The following NRP1 variants were observed in gnomAD, a reference collection of about 807,000 sequenced individuals.
The protein encoded by NRP1 is neuropilin 1.
NRP1 carries 35 observed loss-of-function variants against 106.7 expected under a neutral mutation model. The ratio of observed to expected loss-of-function variants is 0.33; its 90% CI spans 0.25 to 0.43. The LOEUF is 0.43. NRP1 is among the 20% of genes least tolerant of loss of function. The probability of loss-of-function intolerance (pLI) is 1.00; values close to 1 mark genes in which losing one functional copy is unlikely to be tolerated. For synonymous variants in NRP1, 437 were observed against 417.9 expected, an observed-to-expected ratio of 1.05 and a Z score of -0.56; for missense variants, 1,024 against 1,170.4, an observed-to-expected ratio of 0.87 and a Z score of 1.83.
At chr10:33,266,548 T>C (rs866685926) in intron 3 of NRP1, among the ~76,000 whole-genome samples, 6 of 152,248 alleles carry the variant, frequency 3.9e-5, no homozygotes, top group Non-Finnish European at 7.3e-5. Flanking sequence ...TTATTCACTG[T>C]TGTTTCAGTT....
At chr10:33,182,946 G>A (rs1016568151) in intron 15 of NRP1, among the ~76,000 whole-genome samples, 198 bp from the exon 16 acceptor site, 18 of 152,024 alleles carry the variant, frequency 1.2e-4, no homozygotes, top group African/African-American at 4.4e-4. Context: ...TAAATGACCG[G>A]GAAATTGGTA....
chr10:33,183,433 T>C (rs1176552676), intron 15 of NRP1, among the ~76,000 whole-genome samples: 1 of 152,198 alleles, frequency 6.6e-6, no homozygotes, highest in Non-Finnish European at 1.5e-5. Flanking sequence ...TGAAGTAGAT[T>C]CGTACATATG....
chr10:33,260,488 C>T (rs905328627), intron 4 of NRP1, among the ~76,000 whole-genome samples: 1 of 152,050 alleles, frequency 6.6e-6, no homozygotes, highest in African/African-American at 2.4e-5. Context: ...CAGTTCCAGC[C>T]CCTTTTGCCA....
chr10:33,238,199 G>C (rs1316805676), intron 6 of NRP1, among the ~76,000 whole-genome samples: 2 of 152,210 alleles, frequency 1.3e-5, no homozygotes, highest in African/African-American at 4.8e-5. Context: ...CTTCTCTCTT[G>C]AGTCTAGCAG....
chr10:33,310,178 T>A (rs1846483942), intron 2 of NRP1, among the ~76,000 whole-genome samples: 1 of 151,284 alleles, frequency 6.6e-6, no homozygotes, highest in Non-Finnish European at 1.5e-5. Context: ...CTTGATCTCC[T>A]GACCTCATGA....
At chr10:33,202,574 G>GGT (rs1837414024) in intron 11 of NRP1, 2 of 1,425,684 alleles carry the variant, frequency 1.4e-6, no homozygotes, top group South Asian at 1.5e-5. Flanking sequence ...TATTGGGGGG[G>GGT]GGTCTGAAAA....
intron 3 of NRP1, among the ~76,000 whole-genome samples, chr10:33,269,922 C>T (rs1843181572): frequency 6.6e-6 from 1 of 152,160 alleles, no homozygotes; most frequent in African/African-American, 2.4e-5. Flanking sequence ...ACTGATTCTA[C>T]CTTATGGTGA....
intron 2 of NRP1, among the ~76,000 whole-genome samples, chr10:33,314,282 T>C (rs1198161697): frequency 6.6e-6 from 1 of 152,144 alleles, no homozygotes; most frequent in Non-Finnish European, 1.5e-5. Flanking sequence ...AGAGACGGTA[T>C]TGCCCAGGCT....
chr10:33,311,959 A>T (rs2804491), intron 2 of NRP1, among the ~76,000 whole-genome samples: 1 of 151,544 alleles, frequency 6.6e-6, no homozygotes. Flanking sequence ...TTTTCTCATA[A>T]CAGTGTTTAG....
At chr10:33,298,567 G>T (rs572380738) in intron 2 of NRP1, among the ~76,000 whole-genome samples, 1 of 152,244 alleles carries the variant, frequency 6.6e-6, no homozygotes, top group South Asian at 2.1e-4. Flanking sequence ...TCTCCTCCTT[G>T]CTGGCTGGGG....
At chr10:33,199,464 A>G (rs1837105830) in intron 11 of NRP1, among the ~76,000 whole-genome samples, 1 of 133,828 alleles carries the variant, frequency 7.5e-6, no homozygotes, top group South Asian at 2.4e-4. Flanking sequence ...GCTGGTCTCA[A>G]ACTTCTGACC....
intron 10 of NRP1, chr10:33,206,156 C>T (rs1337119778): frequency 3.9e-6 from 2 of 513,562 alleles, no homozygotes; most frequent in African/African-American, 3.9e-5. Context: ...CACTCCACCT[C>T]CTAAATCAGC....
intron 11 of NRP1, chr10:33,202,444 A>G (rs1353900928): frequency 1.7e-6 from 1 of 592,044 alleles, no homozygotes; most frequent in East Asian, 3.5e-5. Context: ...CCGCACTTCA[A>G]ATATAAGCCT....
At position 33,257,400 on chromosome 10, in the gene NRP1, G is replaced by A. The variant is rs559853058; in HGVS notation, c.659-929C>T. Among the ~76,000 whole-genome samples the A allele has an allele frequency of 1.6e-3, 244 of 152,312 alleles. 3 individuals carry two copies. Among genetic ancestry groups the A allele is most frequent in the South Asian group, 2.7e-3 (13 of 4,830 alleles). ...TCTTGTAATCCCAGCACTTTGGGAAGCTGAGGTGGGTGGATCACTTGAGGT... is the reference window on the plus strand; with the variant it reads ...TCTTGTAATCCCAGCACTTTGGGAAACTGAGGTGGGTGGATCACTTGAGGT... On this transcript the variant is annotated intron_variant, in intron 4 of 16. Transcript: ENST00000374867.
chr10:33,289,645 A>G (rs1844843215), intron 2 of NRP1, among the ~76,000 whole-genome samples: 1 of 152,234 alleles, frequency 6.6e-6, no homozygotes, highest in Non-Finnish European at 1.5e-5. Flanking sequence ...AACTGACATT[A>G]GCGTGTGTTA....
At chr10:33,187,770 A>G (rs1836109688) in intron 13 of NRP1, among the ~76,000 whole-genome samples, 2 of 152,280 alleles carry the variant, frequency 1.3e-5, no homozygotes, top group South Asian at 4.1e-4. Flanking sequence ...GTTGCCCAAG[A>G]GACTTGTGTG....
intron 2 of NRP1, among the ~76,000 whole-genome samples, chr10:33,277,613 G>A (rs1843803663): frequency 6.6e-6 from 1 of 152,182 alleles, no homozygotes; most frequent in African/African-American, 2.4e-5. Context: ...GAGAGGCTGG[G>A]CCACAACCTG....
chr10:33,262,267 C>T (rs1438983270), intron 4 of NRP1, among the ~76,000 whole-genome samples: 2 of 152,162 alleles, frequency 1.3e-5, no homozygotes, highest in Admixed American at 1.3e-4. Context: ...TATTATCCCC[C>T]TCTGTTCAGA....
Position 33,329,817 on chromosome 10 carries a change from G to C in NRP1, c.248+891C>G, listed in dbSNP as rs562915752. Among the ~76,000 whole-genome samples, 8 of 152,350 alleles carry C rather than the reference G, an allele frequency of 5.3e-5. No homozygotes were observed. In the South Asian group the frequency reaches 6.2e-4, roughly 12 times the overall value. On this transcript the variant is annotated intron_variant, in intron 2 of 16. Coordinates refer to ENST00000374867, the MANE Select transcript of NRP1 (RefSeq NM_003873.7). Reference sequence around the variant, plus strand: ...AAGACAGAGACAGGGGGTCTGTTGGGTGTTAAGAGAGACGAGCAAACATGT... The same window carrying C: ...AAGACAGAGACAGGGGGTCTGTTGGCTGTTAAGAGAGACGAGCAAACATGT...
Sources: gnomAD v4.1 joint callset for allele counts (sites outside exome capture counted in the v4.1 genomes callset) on GRCh38, gnomAD v4.1.1 for gene constraint, MANE v1.5 for transcripts, NCBI Gene and HGNC (gene_info 2026-07-23, HGNC 2026-07-21) for gene names.